HSH2D: variants seen among roughly 807,000 people sequenced by gnomAD.
HSH2D encodes the protein hematopoietic SH2 domain-containing protein.
In HSH2D, 16 loss-of-function variants were observed where a neutral mutation model predicts 21.5. The ratio of observed to expected loss-of-function variants is 0.74; its 90% CI spans 0.50 to 1.13. The LOEUF (loss-of-function observed/expected upper bound fraction) is 1.13, where lower values mean the gene tolerates loss of function less well. Among genes scored for constraint, HSH2D ranks in the 50% most tolerant of loss-of-function variants. HSH2D has a pLI of 0.00. For synonymous variants in HSH2D, 172 were observed against 184.7 expected (o/e 0.93, Z 0.56); for missense variants, 418 against 441.4 (o/e 0.95, Z 0.47).
At chr19:16,141,694 C>T (rs1362492084), upstream of HSH2D, among the ~76,000 whole-genome samples, 17 of 152,194 alleles carry the variant, frequency 1.1e-4, no homozygotes, top group East Asian at 9.6e-4. Flanking sequence ...GAGGCTGAGG[C>T]GGGTGGATCA....
Position 16,157,282 on chromosome 19 carries a change from AC to A in HSH2D, c.549del (p.Lys184ArgfsTer38). The A allele has an allele frequency of 1.2e-6, 2 of 1,609,796 alleles. No individual in the cohort carries two copies. Among genetic ancestry groups the A allele is most frequent in the Non-Finnish European group, 1.7e-6 (2 of 1,178,360 alleles). On this transcript the variant is annotated frameshift_variant, in exon 6 of 6. Coordinates refer to ENST00000613986, the MANE Select transcript of HSH2D (RefSeq NM_001382417.1). LOFTEE classifies it low-confidence loss of function (END_TRUNC). This position sits in a 1 kb window ranked among gnomAD's most constrained non-coding sequence, Gnocchi z 4.4. The stretch of plus-strand genomic sequence containing the variant: ...GTCAGCAGAGATGAACAGAATAACC[AC>A]CAAGGAAGCCACTTCCTCCTGCCCC... ...KPSAEMNRIT[T>X]KEATSSCPPK...
At chr19:16,152,473 G>T in intron 2 of HSH2D, 79 bp from the exon 3 acceptor site, 5 of 728,630 alleles carry the variant, frequency 6.9e-6, no homozygotes, top group Non-Finnish European at 8.2e-6. Context: ...CTCCATGAAT[G>T]ATCCCATGGC....
chr19:16,153,376 G>A (rs1392275081), intron 4 of HSH2D, among the ~76,000 whole-genome samples, 168 bp downstream of exon 4: 1 of 152,248 alleles, frequency 6.6e-6, no homozygotes. Context: ...AGCGGTCTCC[G>A]TTGTGGTTCC....
At chr19:16,138,596 T>C (rs1487565931) in intron 1 of HSH2D, among the ~76,000 whole-genome samples, 1 of 151,924 alleles carries the variant, frequency 6.6e-6, no homozygotes, top group Non-Finnish European at 1.5e-5. Context: ...TAGCTGGGAC[T>C]ACAGGCGTGC....
chr19:16,157,809 C>T lies in HSH2D; in HGVS notation c.*15C>T. The T allele has an allele frequency of 6.4e-7, 1 of 1,551,744 alleles. No individual in the cohort carries two copies. Among genetic ancestry groups the T allele is most frequent in the Non-Finnish European group, 8.7e-7 (1 of 1,152,346 alleles). On this transcript the variant is annotated 3_prime_UTR_variant, in exon 6 of 6. Coordinates refer to ENST00000613986, the MANE Select transcript of HSH2D (RefSeq NM_001382417.1). This position sits in a 1 kb window ranked among gnomAD's most constrained non-coding sequence, Gnocchi z 4.4. ...GGTACTGCTAGAGAACAGGTCCACC[C>T]TGGCTCTGGGACTCGCTGCCAGGGG... is the stretch of plus-strand genomic sequence containing the variant.
In HSH2D at chr19:16,154,456, G is replaced by A. The variant is rs2091212301; in HGVS notation, c.439G>A (p.Glu147Lys). ...DLFLYSNAVA[E>K]EAACPVSAPE... ...CTTCCTCTACTCCAACGCAGTGGCCGAGGAAGCTGCCTGCCCGGTGTCTGC... is the reference window on the plus strand; with the variant it reads ...CTTCCTCTACTCCAACGCAGTGGCCAAGGAAGCTGCCTGCCCGGTGTCTGC... Residue 147 changes from glutamate (E) to lysine (K), a missense_variant, in exon 5 of 6, where the codon GAG (glutamate) becomes AAG (lysine). By Grantham distance (56) the Glu-to-Lys change is moderately conservative. Transcript: ENST00000613986. 1.3e-6 allele frequency: 2 copies of A among 1,552,820 alleles called. No homozygotes were observed. Among genetic ancestry groups the A allele is most frequent in the Non-Finnish European group, 8.7e-7 (1 of 1,147,792 alleles).
chr19:16,150,579 G>A (rs749649173), intron 2 of HSH2D, among the ~76,000 whole-genome samples: 1 of 151,746 alleles, frequency 6.6e-6, no homozygotes, highest in Admixed American at 6.6e-5. Flanking sequence ...GCACGTGCCT[G>A]TAATCCCAGC....
At chr19:16,148,363 G>C (rs1200854426) in intron 1 of HSH2D, among the ~76,000 whole-genome samples, 1 of 152,006 alleles carries the variant, frequency 6.6e-6, no homozygotes, top group African/African-American at 2.4e-5. Context: ...TGGCCGGGCT[G>C]GTCTCAAACT....
upstream of HSH2D, among the ~76,000 whole-genome samples, chr19:16,142,760 G>C (rs772892143): frequency 7.9e-5 from 12 of 151,564 alleles, no homozygotes; most frequent in Non-Finnish European, 1.6e-4. Flanking sequence ...ACCGCACCCA[G>C]CTGGTGTTTT....
At chr19:16,143,900 G>T in intron 1 of HSH2D, 126 bp downstream of exon 1, 1 of 268,060 alleles carries the variant, frequency 3.7e-6, no homozygotes. Context: ...ATGGGGGAGA[G>T]CTTCGTGGAG....
chr19:16,139,015 G>A (rs192721655), upstream of HSH2D, among the ~76,000 whole-genome samples: 68 of 152,022 alleles, frequency 4.5e-4, no homozygotes, highest in Admixed American at 3.9e-3. Flanking sequence ...GAGCCACTAC[G>A]CCCAACTAAT....
intron 1 of HSH2D, among the ~76,000 whole-genome samples, chr19:16,137,084 C>T (rs2090968977): frequency 6.6e-6 from 1 of 152,192 alleles, no homozygotes; most frequent in Non-Finnish European, 1.5e-5. Flanking sequence ...CGGGTATCTA[C>T]CCCAGATGAG....
chr19:16,142,770 T>C (rs550756341), upstream of HSH2D, among the ~76,000 whole-genome samples: 80 of 140,592 alleles, frequency 5.7e-4, no homozygotes, highest in African/African-American at 2.1e-3. Flanking sequence ...GCTGGTGTTT[T>C]TTTGTTTGTT....
chr19:16,153,855 T>C (rs187219290), intron 4 of HSH2D, among the ~76,000 whole-genome samples: 4 of 150,510 alleles, frequency 2.7e-5, no homozygotes, highest in African/African-American at 9.8e-5. Context: ...GTGGCCTAGC[T>C]CCCAATAAAC....
chr19:16,157,503 G>A lies in HSH2D; in HGVS notation c.768G>A (p.Gly256=), dbSNP rs2145066586. The A allele has an allele frequency of 6.2e-7, 1 of 1,613,922 alleles. No individual in the cohort carries two copies. Among genetic ancestry groups the A allele is most frequent in the Non-Finnish European group, 8.5e-7 (1 of 1,179,862 alleles). ...GTGKGSQDHS[G]DPTSGDRGYT... Reference sequence around the variant, plus strand: ...GAAAAGGCAGCCAAGATCACTCAGGGGATCCCACCTCGGGGGACAGAGGCT... The same window carrying A: ...GAAAAGGCAGCCAAGATCACTCAGGAGATCCCACCTCGGGGGACAGAGGCT... Residue 256 remains glycine (G), a synonymous_variant, in exon 6 of 6, where the codon GGG becomes GGA. Transcript: ENST00000613986. This position sits in a 1 kb window ranked among gnomAD's most constrained non-coding sequence, Gnocchi z 4.4.
intron 2 of HSH2D, among the ~76,000 whole-genome samples, chr19:16,152,274 C>T (rs1300292718): frequency 8.6e-5 from 13 of 151,182 alleles, no homozygotes; most frequent in Admixed American, 2.6e-4. Context: ...AAAAATTAGC[C>T]GGGCGTGGTG....
intron 5 of HSH2D, among the ~76,000 whole-genome samples, chr19:16,156,939 T>C (rs2091244515): frequency 6.6e-6 from 1 of 151,782 alleles, no homozygotes. Flanking sequence ...TGAGCCGAGA[T>C]TGTGCCACTG....
intron 2 of HSH2D, among the ~76,000 whole-genome samples, chr19:16,151,765 GAAAAAAAA>G (rs746775825): frequency 0.039 from 2,395 of 61,336 alleles, 88 homozygotes; most frequent in African/African-American, 0.13. Flanking sequence ...TGCCACAGCT[GAAAAAAAA>G]AAAAAAAAAA....
At chr19:16,143,394 C>G (rs2091020694), upstream of HSH2D, among the ~76,000 whole-genome samples, 1 of 152,148 alleles carries the variant, frequency 6.6e-6, no homozygotes, top group Non-Finnish European at 1.5e-5. Flanking sequence ...CCCGTTCTCC[C>G]TTTGTAATGA....
Sources: allele counts gnomAD v4.1 joint callset (sites outside exome capture counted in the v4.1 genomes callset), GRCh38; gene constraint gnomAD v4.1.1; non-coding constraint Gnocchi (gnomAD v3.1); transcripts MANE v1.5; gene names NCBI Gene and HGNC (gene_info 2026-07-23, HGNC 2026-07-21).